RNLS: variants seen among roughly 807,000 people sequenced by gnomAD.
The protein encoded by RNLS is renalase.
Under a neutral mutation model 39.8 loss-of-function variants are expected in RNLS, and 39 were observed. That is an observed-to-expected ratio of 0.98 (90% CI 0.76 to 1.28). RNLS has a LOEUF of 1.28. Among genes scored for constraint, RNLS ranks in the 50% most tolerant of loss-of-function variants. The pLI is 0.00. For missense variants in RNLS, 410 were observed against 413.3 expected (o/e 0.99, Z 0.07); for synonymous variants, 147 against 150.7 (o/e 0.98, Z 0.18).
intron 6 of RNLS, among the ~76,000 whole-genome samples, chr10:88,299,257 A>G (rs1007092906): frequency 2.0e-5 from 3 of 152,140 alleles, no homozygotes; most frequent in Admixed American, 1.3e-4. Flanking sequence ...TTTCAAAGAC[A>G]CTGTTTTTGA....
intron 4 of RNLS, among the ~76,000 whole-genome samples, chr10:88,520,814 T>C (rs1317157466): frequency 1.3e-5 from 2 of 152,038 alleles, no homozygotes; most frequent in Non-Finnish European, 2.9e-5. Flanking sequence ...CAAGATCCTA[T>C]GTAAATACTA....
At chr10:88,259,415 A>G in the RNLS span, 2 of 152,220 alleles carry the variant, frequency 1.3e-5, no homozygotes, top group South Asian at 4.1e-4. Context: ...GTGCTAACAC[A>G]CATTTTCTCA....
chr10:88,495,080 G>C (rs1845089848), intron 4 of RNLS, among the ~76,000 whole-genome samples: 1 of 152,000 alleles, frequency 6.6e-6, no homozygotes, highest in African/African-American at 2.4e-5. Flanking sequence ...TCCTACAACA[G>C]ATATAATTCC....
chr10:88,266,526 C>T, the RNLS span, among the ~76,000 whole-genome samples: 3 of 152,098 alleles, frequency 2.0e-5, no homozygotes, highest in Non-Finnish European at 4.4e-5. Flanking sequence ...ATTTCTAATC[C>T]CATTGCTTTG....
At chr10:88,416,242 T>A (rs1347607830) in intron 4 of RNLS, among the ~76,000 whole-genome samples, 1 of 149,446 alleles carries the variant, frequency 6.7e-6, no homozygotes, top group Non-Finnish European at 1.5e-5. Context: ...ATATAATTTT[T>A]ATTTTATTTT....
chr10:88,578,571 A>T, intron 3 of RNLS, among the ~76,000 whole-genome samples: 1 of 152,126 alleles, frequency 6.6e-6, no homozygotes, highest in Non-Finnish European at 1.5e-5. Context: ...GAATAACATT[A>T]AATAGCATTA....
intron 4 of RNLS, among the ~76,000 whole-genome samples, chr10:88,389,461 TAG>T (rs1454546672): frequency 6.6e-6 from 1 of 152,222 alleles, no homozygotes. Context: ...AATCATTCTA[TAG>T]AGATTTAAAA....
At chr10:88,238,222 G>C in the RNLS span, among the ~76,000 whole-genome samples, 1 of 152,152 alleles carries the variant, frequency 6.6e-6, no homozygotes, top group African/African-American at 2.4e-5. Flanking sequence ...ATGAATTTTA[G>C]AACATATGTG....
intron 4 of RNLS, among the ~76,000 whole-genome samples, chr10:88,501,286 C>A (rs772451831): frequency 6.6e-6 from 1 of 152,078 alleles, no homozygotes; most frequent in Non-Finnish European, 1.5e-5. Context: ...TAGTCATTAT[C>A]TGTGTCCCTG....
At position 88,355,226 on chromosome 10, in the gene RNLS, T is replaced by A. The variant is rs145011528; in HGVS notation, c.700+7326A>T. On this transcript the variant is annotated intron_variant, in intron 5 of 6. Coordinates refer to ENST00000331772, the MANE Select transcript of RNLS (RefSeq NM_001031709.3). ...TCTTCTCTCAACTTGTCAAAGTCATTCTCTGTCCTGTTTTGTTCCGTTGCT... is the reference window on the plus strand; with the variant it reads ...TCTTCTCTCAACTTGTCAAAGTCATACTCTGTCCTGTTTTGTTCCGTTGCT... Among the ~76,000 whole-genome samples, 243 of 152,312 alleles carry A rather than the reference T, an allele frequency of 1.6e-3. 3 individuals carry two copies. Among genetic ancestry groups the A allele is most frequent in the African/African-American group, 5.6e-3 (231 of 41,578 alleles).
At chr10:88,317,941 T>G (rs865939312) in intron 5 of RNLS, among the ~76,000 whole-genome samples, 1 of 152,340 alleles carries the variant, frequency 6.6e-6, no homozygotes. Flanking sequence ...TCACTGACTG[T>G]CAAACTGTTG....
intron 5 of RNLS, among the ~76,000 whole-genome samples, chr10:88,321,032 T>C (rs1846148965): frequency 6.6e-6 from 1 of 151,778 alleles, no homozygotes; most frequent in African/African-American, 2.4e-5. Flanking sequence ...GTCTCTAAAA[T>C]TGACTATATG....
At chr10:88,410,602 G>A (rs1853593210) in intron 4 of RNLS, among the ~76,000 whole-genome samples, 1 of 151,994 alleles carries the variant, frequency 6.6e-6, no homozygotes, top group Non-Finnish European at 1.5e-5. Context: ...AACCTTCCCT[G>A]GTTTTCATCT....
chr10:88,268,295 T>C, the RNLS span, among the ~76,000 whole-genome samples: 1 of 152,200 alleles, frequency 6.6e-6, no homozygotes, highest in African/African-American at 2.4e-5. Flanking sequence ...GTCCATTAAA[T>C]GTCACTTGTG....
At chr10:88,459,163 G>A (rs561976580) in intron 4 of RNLS, among the ~76,000 whole-genome samples, 2 of 150,690 alleles carry the variant, frequency 1.3e-5, no homozygotes, top group African/African-American at 4.9e-5. Context: ...TGGGGAGGTG[G>A]GTAGGACAAG....
the RNLS span, among the ~76,000 whole-genome samples, chr10:88,231,968 GTGTC>G: frequency 7.0e-6 from 1 of 142,178 alleles, no homozygotes; most frequent in African/African-American, 2.6e-5. Flanking sequence ...GTGTGTGTGT[GTGTC>G]TGTCTCAGAT....
intron 4 of RNLS, among the ~76,000 whole-genome samples, chr10:88,497,518 A>C (rs1845235973): frequency 6.6e-6 from 1 of 152,104 alleles, no homozygotes; most frequent in Admixed American, 6.6e-5. Context: ...AAGTAAAGCA[A>C]ATAACAGAGT....
At chr10:88,372,800 C>T (rs910401855) in intron 4 of RNLS, among the ~76,000 whole-genome samples, 2 of 152,124 alleles carry the variant, frequency 1.3e-5, no homozygotes, top group South Asian at 2.1e-4. Flanking sequence ...CTTCTCTTCA[C>T]GTATTTGGCT....
intron 4 of RNLS, among the ~76,000 whole-genome samples, chr10:88,505,055 G>A (rs1467188133): frequency 6.6e-6 from 1 of 151,932 alleles, no homozygotes. Context: ...TAGCAGCAAT[G>A]ACATTCCAAA....
Sources: gnomAD v4.1 joint callset for allele counts (sites outside exome capture counted in the v4.1 genomes callset) on GRCh38, gnomAD v4.1.1 for gene constraint, MANE v1.5 for transcripts, NCBI Gene and HGNC (gene_info 2026-07-23, HGNC 2026-07-21) for gene names.